Variants in TBC1D4 observed in about 807,000 individuals in gnomAD.
TBC1D4 encodes the protein TBC1 domain family member 4, also known as TBC (Tre-2, BUB2, CDC16) domain-containing protein.
In TBC1D4, 121 loss-of-function variants were observed where a neutral mutation model predicts 142.5. That is an observed-to-expected ratio of 0.85 (90% CI 0.73 to 0.99). The LOEUF (loss-of-function observed/expected upper bound fraction) is 0.99. Among genes scored for constraint, TBC1D4 ranks in the 50% least tolerant of loss-of-function variants. The probability of loss-of-function intolerance (pLI) is 0.00; values close to 1 mark genes in which losing one functional copy is unlikely to be tolerated. For synonymous variants in TBC1D4, 630 were observed against 628.2 expected, an observed-to-expected ratio of 1.00 and a Z score of -0.04; for missense variants, 1,475 against 1,606.6, an observed-to-expected ratio of 0.92 and a Z score of 1.40.
At chr13:75,463,376 C>G (rs1225862056) in intron 1 of TBC1D4, among the ~76,000 whole-genome samples, 1 of 152,136 alleles carries the variant, frequency 6.6e-6, no homozygotes, top group Non-Finnish European at 1.5e-5. Flanking sequence ...TCCCCTAATG[C>G]ACTGGTTCTC....
rs1011116987 is a variant in TBC1D4 at position 75,292,061 on chromosome 13, G to A, written c.3486+41C>T. 3 of 1,533,680 alleles carry A rather than the reference G, an allele frequency of 2.0e-6. No individual in the cohort carries two copies. The African/African-American group carries it at 4.1e-5, about 21-fold the overall frequency. ...TAAAGCATTTAATATATATTCAGTA[G>A]AGAAAACTGCTATATAATACTATTA... On this transcript the variant is annotated intron_variant, in intron 19 of 20. Coordinates refer to ENST00000377636, the MANE Select transcript of TBC1D4 (RefSeq NM_014832.5).
At chr13:75,373,450 T>C (rs1221593996) in intron 1 of TBC1D4, among the ~76,000 whole-genome samples, 1 of 152,070 alleles carries the variant, frequency 6.6e-6, no homozygotes, top group Non-Finnish European at 1.5e-5. Flanking sequence ...TTCACCTCTC[T>C]CCAAAATTAG....
intron 2 of TBC1D4, 43 bp downstream of exon 2, chr13:75,361,983 G>A (rs1329074407): frequency 1.2e-6 from 2 of 1,609,202 alleles, no homozygotes; most frequent in Non-Finnish European, 1.7e-6. Context: ...CTTCCATCTG[G>A]CACCTTTTGG....
chr13:75,315,425 C>T lies in TBC1D4; in HGVS notation c.2223-2527G>A, dbSNP rs60342481. Among the ~76,000 whole-genome samples the T allele has an allele frequency of 7.9e-3, 144 of 18,292 alleles. 1 individual carries two copies. Among genetic ancestry groups the T allele is most frequent in the African/African-American group, 9.4e-3 (132 of 14,066 alleles). The allele number at this position is 18,292 out of a possible 152,430, so 12.0% of individuals were successfully genotyped here. A position where few individuals can be genotyped will look rare whatever the true frequency, so the allele number is the denominator to read the frequency against. ...ACACATATATATATATATACACACA[C>T]ATATATATATATATATTTGCTTTTA... On this transcript the variant is annotated intron_variant, in intron 12 of 20. Transcript: ENST00000377636.
At chr13:75,470,055 T>G (rs1425503211) in intron 1 of TBC1D4, among the ~76,000 whole-genome samples, 3 of 152,222 alleles carry the variant, frequency 2.0e-5, no homozygotes. Context: ...TGCCACTTAC[T>G]AGCTCCAGTC....
Position 75,318,514 on chromosome 13 carries a change from A to G in TBC1D4, c.2222+1500T>C, listed in dbSNP as rs117923848. 9.4e-3 allele frequency among the ~76,000 whole-genome samples: 1,439 copies of G among 152,364 alleles called. 15 individuals carry two copies. Among genetic ancestry groups the G allele is most frequent in the Admixed American group, 0.014 (215 of 15,306 alleles). The stretch of plus-strand genomic sequence containing the variant: ...AAAAGCTTTCTCTTTGTAAGCCTTA[A>G]GAAATGCTAAGTAAAACAATTTCAT... On this transcript the variant is annotated intron_variant, in intron 12 of 20. Transcript: ENST00000377636.
intron 1 of TBC1D4, among the ~76,000 whole-genome samples, chr13:75,409,549 T>C (rs141763270): frequency 6.6e-6 from 1 of 152,212 alleles, no homozygotes; most frequent in Non-Finnish European, 1.5e-5. Flanking sequence ...ACAGATAAAT[T>C]TAAAGTATTG....
chr13:75,333,583 C>T (rs1379810780), intron 8 of TBC1D4, among the ~76,000 whole-genome samples: 1 of 152,156 alleles, frequency 6.6e-6, no homozygotes, highest in Non-Finnish European at 1.5e-5. Context: ...TAAAGCTCCA[C>T]CACCCTGAAA....
chr13:75,412,044 G>A (rs1885694892), intron 1 of TBC1D4, among the ~76,000 whole-genome samples: 1 of 152,174 alleles, frequency 6.6e-6, no homozygotes, highest in Non-Finnish European at 1.5e-5. Context: ...GGTAGGCCTA[G>A]GGACAGCAGT....
At position 75,479,147 on chromosome 13, in the gene TBC1D4, C is replaced by T. The variant is rs1302801317; in HGVS notation, c.498+2123G>A. On this transcript the variant is annotated intron_variant, in intron 1 of 20. Transcript: ENST00000377636. ...CAGTCCTCCATGGTCCTCACTCAAC[C>T]CTCTTCTTTGTTATTTGAGTTTGTA... Among the ~76,000 whole-genome samples the T allele has an allele frequency of 2.0e-5, 3 of 152,154 alleles. No individual in the cohort carries two copies. In the East Asian group the frequency reaches 5.8e-4, roughly 29 times the overall value.
Position 75,481,489 on chromosome 13 carries a change from G to T in TBC1D4, c.279C>A (p.Cys93Ter). ...ILVLSAPFLRCVPAPGAGASG... is the reference protein window; with the variant it reads ...ILVLSAPFLR The stretch of plus-strand genomic sequence containing the variant: ...AGGCCCCAGCGCCCGGCGCGGGGAC[G>T]CAACGCAGGAAGGGCGCGCTGAGCA... Residue 93 changes from cysteine to a stop codon, truncating the protein, a stop_gained, in exon 1 of 21, where the codon TGC becomes TGA. Transcript: ENST00000377636. LOFTEE classifies it high-confidence loss of function. 6.2e-7 allele frequency: 1 copy of T among 1,612,892 alleles called. No homozygotes were observed. The highest frequency in any genetic ancestry group is 8.5e-7 in the Non-Finnish European group (1 of 1,179,346).
chr13:75,312,726 T>C lies in TBC1D4; in HGVS notation c.2383+12A>G. ...TCAGAGGGATAAATTCCTTAGGGAG[T>C]GCAACACAGACCTTGCTGTTGCATT... On this transcript the variant is annotated intron_variant, in intron 13 of 20. Coordinates refer to ENST00000377636, the MANE Select transcript of TBC1D4 (RefSeq NM_014832.5). 6.2e-7 allele frequency: 1 copy of C among 1,614,068 alleles called. No individual in the cohort carries two copies. Among genetic ancestry groups the C allele is most frequent in the Middle Eastern group, 1.6e-4 (1 of 6,062 alleles).
intron 1 of TBC1D4, among the ~76,000 whole-genome samples, chr13:75,387,918 A>G (rs535222155): frequency 7.9e-5 from 12 of 152,336 alleles, no homozygotes; most frequent in Admixed American, 2.0e-4. Context: ...TCTAGCACCA[A>G]TCTCATCAGA....
Position 75,380,850 on chromosome 13 carries a change from A to G in TBC1D4, c.499-18243T>C, listed in dbSNP as rs551268600. On this transcript the variant is annotated intron_variant, in intron 1 of 20. Coordinates refer to ENST00000377636, the MANE Select transcript of TBC1D4 (RefSeq NM_014832.5). ...GAAGAGGAGCTTCTGTTCTAGAAAA[A>G]GATCCTTACCTTTCCCCCTACCTTT... Among the ~76,000 whole-genome samples, 147 of 152,212 alleles carry G rather than the reference A, an allele frequency of 9.7e-4. 1 individual carries two copies. The highest frequency in any genetic ancestry group is 8.9e-3 in the South Asian group (43 of 4,816).
chr13:75,423,584 A>G (rs938473481), intron 1 of TBC1D4, among the ~76,000 whole-genome samples: 1 of 152,232 alleles, frequency 6.6e-6, no homozygotes, highest in Non-Finnish European at 1.5e-5. Flanking sequence ...GAAGACATCA[A>G]TCAATTCCAG....
intron 1 of TBC1D4, among the ~76,000 whole-genome samples, chr13:75,388,387 A>G (rs1884299276): frequency 6.6e-6 from 1 of 152,186 alleles, no homozygotes; most frequent in South Asian, 2.1e-4. Flanking sequence ...TGAGCATTCT[A>G]TTTGGTATGC....
At chr13:75,450,127 C>G (rs918952539) in intron 1 of TBC1D4, among the ~76,000 whole-genome samples, 1 of 152,126 alleles carries the variant, frequency 6.6e-6, no homozygotes, top group African/African-American at 2.4e-5. Context: ...AGACTAAAAC[C>G]TACCATTGCC....
intron 1 of TBC1D4, among the ~76,000 whole-genome samples, chr13:75,413,671 T>C (rs1012341076): frequency 1.3e-5 from 2 of 152,160 alleles, no homozygotes; most frequent in South Asian, 2.1e-4. Flanking sequence ...GCCAGACTGT[T>C]AGTCTTAAAA....
chr13:75,397,234 G>A (rs1884841611), intron 1 of TBC1D4, among the ~76,000 whole-genome samples: 1 of 152,190 alleles, frequency 6.6e-6, no homozygotes, highest in Non-Finnish European at 1.5e-5. Context: ...ACTCTTTAGT[G>A]AATATTTACA....
Sources: gnomAD v4.1 joint callset for allele counts (sites outside exome capture counted in the v4.1 genomes callset) on GRCh38, gnomAD v4.1.1 for gene constraint, MANE v1.5 for transcripts, NCBI Gene and HGNC (gene_info 2026-07-23, HGNC 2026-07-21) for gene names.